The following HS3ST5 variants were observed in gnomAD, a reference collection of about 807,000 sequenced individuals.
HS3ST5 encodes heparan sulfate glucosamine 3-O-sulfotransferase 5.
HS3ST5 carries 10 observed loss-of-function variants against 25.4 expected under a neutral mutation model. The ratio of observed to expected loss-of-function variants is 0.39; its 90% CI spans 0.24 to 0.67. HS3ST5 has a LOEUF of 0.67. Ranked by LOEUF, HS3ST5 falls within the 30% of genes least tolerant of loss-of-function variation. The probability of loss-of-function intolerance (pLI) is 0.44; values close to 1 mark genes in which losing one functional copy is unlikely to be tolerated. For missense variants in HS3ST5, 324 were observed against 420.7 expected, an observed-to-expected ratio of 0.77 and a Z score of 2.01; for synonymous variants, 170 against 162.4, an observed-to-expected ratio of 1.05 and a Z score of -0.36.
intron 1 of HS3ST5, among the ~76,000 whole-genome samples, chr6:114,304,432 T>A (rs757990001): frequency 7.9e-5 from 12 of 152,120 alleles, no homozygotes; most frequent in Non-Finnish European, 1.5e-4. Context: ...TCTAGAACTC[T>A]CACATTTATT....
chr6:114,340,595 T>C (rs1776787190), intron 1 of HS3ST5: 1 of 152,202 alleles, frequency 6.6e-6, no homozygotes, highest in Non-Finnish European at 1.5e-5. Context: ...CTTTGAGCAA[T>C]GACCAAACAG....
At chr6:114,323,940 T>C (rs1280125534) in intron 1 of HS3ST5, among the ~76,000 whole-genome samples, 1 of 152,172 alleles carries the variant, frequency 6.6e-6, no homozygotes, top group Non-Finnish European at 1.5e-5. Flanking sequence ...GTAGCTGTGC[T>C]GTTTCCTTCT....
intron 1 of HS3ST5, among the ~76,000 whole-genome samples, chr6:114,291,504 A>G (rs1774576311): frequency 6.6e-6 from 1 of 152,162 alleles, no homozygotes; most frequent in African/African-American, 2.4e-5. Context: ...ATCTAGTTCC[A>G]TTTCCCCCAT....
intron 1 of HS3ST5, among the ~76,000 whole-genome samples, chr6:114,291,984 C>T (rs1299766076): frequency 5.9e-5 from 9 of 152,078 alleles, no homozygotes; most frequent in Non-Finnish European, 1.3e-4. Context: ...CTCCATAGGA[C>T]ATAGACAGGA....
At chr6:114,342,166 G>T (rs1246843938) in intron 1 of HS3ST5, 29 bp downstream of exon 1, 2 of 152,224 alleles carry the variant, frequency 1.3e-5, no homozygotes, top group Non-Finnish European at 2.9e-5. Flanking sequence ...CCCCTCCCCC[G>T]CGCGAGGCGG....
At chr6:114,233,016 CCTGT>C (rs1181410194) in intron 1 of HS3ST5, among the ~76,000 whole-genome samples, 8 of 151,904 alleles carry the variant, frequency 5.3e-5, no homozygotes, top group Non-Finnish European at 8.8e-5. Flanking sequence ...TCATCTGATC[CCTGT>C]CTAACTCTCT....
intron 2 of HS3ST5, among the ~76,000 whole-genome samples, chr6:114,220,051 T>C (rs564496940): frequency 2.0e-5 from 3 of 152,186 alleles, no homozygotes; most frequent in Non-Finnish European, 4.4e-5. Flanking sequence ...TCTAAAGTTA[T>C]ACATATTTTT....
chr6:114,076,413 A>G (rs1030714498), intron 3 of HS3ST5, among the ~76,000 whole-genome samples: 10 of 152,340 alleles, frequency 6.6e-5, no homozygotes, highest in Admixed American at 3.9e-4. Context: ...TGGGAAATTT[A>G]TGCCTGAGGT....
chr6:114,089,106 C>T (rs1486384553), intron 3 of HS3ST5: 2 of 152,236 alleles, frequency 1.3e-5, no homozygotes, highest in Admixed American at 1.3e-4. Flanking sequence ...GTAAACACAT[C>T]TGGTGAACTC....
chr6:114,104,125 A>G (rs1182824656), intron 3 of HS3ST5, among the ~76,000 whole-genome samples: 1 of 152,118 alleles, frequency 6.6e-6, no homozygotes, highest in African/African-American at 2.4e-5. Flanking sequence ...AGAGATCTTT[A>G]TAAGCTACAA....
chr6:114,288,500 G>A (rs2114765525), intron 1 of HS3ST5, among the ~76,000 whole-genome samples: 2 of 152,098 alleles, frequency 1.3e-5, no homozygotes, highest in East Asian at 3.9e-4. Flanking sequence ...TTTTTCTAAT[G>A]AAAAAGGACA....
At chr6:114,245,305 A>G (rs541777799) in intron 1 of HS3ST5, among the ~76,000 whole-genome samples, 2 of 152,266 alleles carry the variant, frequency 1.3e-5, no homozygotes, top group South Asian at 4.1e-4. Context: ...ACATAAAATG[A>G]AGGTTTAGAG....
At chr6:114,084,074 T>C (rs1478761683) in intron 3 of HS3ST5, 2 of 586,812 alleles carry the variant, frequency 3.4e-6, no homozygotes, top group African/African-American at 1.9e-5. Flanking sequence ...TCCCTGATCA[T>C]ATTTTCTTTT....
chr6:114,270,366 T>TA (rs1168993343), intron 1 of HS3ST5, among the ~76,000 whole-genome samples: 7 of 152,140 alleles, frequency 4.6e-5, no homozygotes, highest in African/African-American at 1.2e-4. Flanking sequence ...AAGGAACTTT[T>TA]AAAAAAAATC....
At chr6:114,176,006 T>C (rs894874469) in intron 2 of HS3ST5, among the ~76,000 whole-genome samples, 3 of 152,214 alleles carry the variant, frequency 2.0e-5, no homozygotes, top group Non-Finnish European at 2.9e-5. Context: ...ATTGGCTCTC[T>C]TCTGGGCCTC....
At chr6:114,271,983 T>C (rs1773655528) in intron 1 of HS3ST5, among the ~76,000 whole-genome samples, 2 of 152,152 alleles carry the variant, frequency 1.3e-5, no homozygotes, top group South Asian at 4.1e-4. Context: ...AATGACAGTG[T>C]TGGATGGATA....
At chr6:114,229,047 T>G (rs1241551167) in intron 1 of HS3ST5, among the ~76,000 whole-genome samples, 1 of 152,206 alleles carries the variant, frequency 6.6e-6, no homozygotes, top group East Asian at 1.9e-4. Context: ...TAATTTTATT[T>G]TTGATATGCA....
At chr6:114,298,452 A>G (rs750653949) in intron 1 of HS3ST5, among the ~76,000 whole-genome samples, 1 of 152,226 alleles carries the variant, frequency 6.6e-6, no homozygotes, top group Non-Finnish European at 1.5e-5. Flanking sequence ...TACCTATAAT[A>G]TCTCATTTAA....
intron 1 of HS3ST5, among the ~76,000 whole-genome samples, chr6:114,270,320 T>A (rs1409829033): frequency 6.6e-6 from 1 of 152,178 alleles, no homozygotes; most frequent in African/African-American, 2.4e-5. Context: ...CAAAGTATTA[T>A]GATTTCATTG....
Sources: gnomAD v4.1 joint callset for allele counts (sites outside exome capture counted in the v4.1 genomes callset) on GRCh38, gnomAD v4.1.1 for gene constraint, MANE v1.5 for transcripts, NCBI Gene and HGNC (gene_info 2026-07-23, HGNC 2026-07-21) for gene names.